FER: variants seen among roughly 807,000 people sequenced by gnomAD.
FER encodes the protein FER tyrosine kinase.
In FER, 63 loss-of-function variants were observed where a neutral mutation model predicts 111.0. That is an observed-to-expected ratio of 0.57 (90% CI 0.46 to 0.70). FER has a LOEUF of 0.70. FER is among the 30% of genes least tolerant of loss of function. The pLI is 0.00. For missense variants in FER, 914 were observed against 954.0 expected, an observed-to-expected ratio of 0.96 and a Z score of 0.55; for synonymous variants, 327 against 313.9, an observed-to-expected ratio of 1.04 and a Z score of -0.44.
intron 1 of FER, among the ~76,000 whole-genome samples, chr5:108,756,156 C>CAA (rs11341627): frequency 1.6e-5 from 2 of 121,670 alleles, no homozygotes; most frequent in East Asian, 3.3e-4. Context: ...AACTCCATCT[C>CAA]AAAAAAAAAA....
chr5:108,918,899 G>A (rs1752640664), intron 10 of FER, among the ~76,000 whole-genome samples: 1 of 152,196 alleles, frequency 6.6e-6, no homozygotes, highest in Non-Finnish European at 1.5e-5. Context: ...GTATTCTGAG[G>A]AGAGTTCTCG....
intron 16 of FER, among the ~76,000 whole-genome samples, chr5:109,093,654 T>C (rs1747108216): frequency 6.6e-6 from 1 of 152,188 alleles, no homozygotes; most frequent in Non-Finnish European, 1.5e-5. Flanking sequence ...TTGTTGACAT[T>C]TGTAAATATT....
chr5:109,124,144 C>G (rs1751368534), intron 17 of FER, among the ~76,000 whole-genome samples: 1 of 152,052 alleles, frequency 6.6e-6, no homozygotes, highest in Non-Finnish European at 1.5e-5. Flanking sequence ...GGAAAATTGA[C>G]AGAACCTGGG....
intron 5 of FER, among the ~76,000 whole-genome samples, chr5:108,861,792 A>G (rs1210859282): frequency 1.3e-5 from 2 of 152,154 alleles, no homozygotes; most frequent in African/African-American, 4.8e-5. Context: ...GAATTTTAAA[A>G]TTTTTATTTG....
At chr5:108,839,901 G>A (rs1355760819) in intron 5 of FER, among the ~76,000 whole-genome samples, 1 of 151,954 alleles carries the variant, frequency 6.6e-6, no homozygotes, top group African/African-American at 2.4e-5. Context: ...TCTAAAAGTA[G>A]TTAATCAGAT....
At chr5:108,805,855 T>A (rs913885106) in intron 3 of FER, among the ~76,000 whole-genome samples, 8 of 152,198 alleles carry the variant, frequency 5.3e-5, no homozygotes, top group Admixed American at 3.3e-4. Flanking sequence ...CATAAAAGTT[T>A]GGAAAATTTG....
chr5:108,959,496 C>A, intron 13 of FER, 149 bp downstream of exon 13: 1 of 641,886 alleles, frequency 1.6e-6, no homozygotes, highest in Non-Finnish European at 2.4e-6. Flanking sequence ...ATTACTAATG[C>A]AATTGAAACA....
At chr5:109,115,653 T>TTTTGTTTG (rs143119269) in intron 17 of FER, among the ~76,000 whole-genome samples, 2,120 of 151,316 alleles carry the variant, frequency 0.014, 80 homozygotes, top group East Asian at 0.068. Context: ...TTTGTGCAGT[T>TTTTGTTTG]TTTGTTTGTT....
chr5:108,849,781 A>G (rs929543942), intron 5 of FER, among the ~76,000 whole-genome samples: 5 of 152,172 alleles, frequency 3.3e-5, no homozygotes, highest in African/African-American at 9.6e-5. Flanking sequence ...TCTCATTAAC[A>G]TTTCTAATAA....
intron 9 of FER, among the ~76,000 whole-genome samples, chr5:108,883,901 C>G (rs1312720704): frequency 6.6e-6 from 1 of 151,956 alleles, no homozygotes; most frequent in African/African-American, 2.4e-5. Flanking sequence ...TAAATAGTCT[C>G]TACTCTGTTA....
chr5:109,051,001 G>C (rs1157534952), intron 16 of FER, among the ~76,000 whole-genome samples: 4 of 152,024 alleles, frequency 2.6e-5, no homozygotes, highest in Non-Finnish European at 4.4e-5. Flanking sequence ...CCATTCTTAG[G>C]GGTGTTTGCT....
In FER at chr5:109,187,460, GTCCAGAGGATATTTCCAAAA is replaced by G; in HGVS notation, c.2357_2376del (p.Pro786HisfsTer8). ...TACCGGATGTCAGCTCCCCAGCACT[GTCCAGAGGATATTTCCAAAA>G]TCATGATGAAGTGTTGGGATTATAA... On this transcript the variant is annotated frameshift_variant, in exon 20 of 20. Transcript: ENST00000281092. LOFTEE classifies it high-confidence loss of function. 6.2e-7 allele frequency: 1 copy of G among 1,614,046 alleles called. No homozygotes were observed. Among genetic ancestry groups the G allele is most frequent in the African/African-American group, 1.3e-5 (1 of 75,014 alleles).
intron 13 of FER, among the ~76,000 whole-genome samples, chr5:108,988,943 C>G (rs755934493): frequency 4.6e-5 from 7 of 152,138 alleles, no homozygotes; most frequent in Non-Finnish European, 7.4e-5. Flanking sequence ...CCTCTTAGCA[C>G]TACCTTTGCT....
chr5:108,878,509 C>A (rs1379255654), intron 8 of FER, among the ~76,000 whole-genome samples: 1 of 151,962 alleles, frequency 6.6e-6, no homozygotes, highest in Non-Finnish European at 1.5e-5. Context: ...ATTAAATCTT[C>A]TTAATGTGTA....
intron 17 of FER, among the ~76,000 whole-genome samples, chr5:109,175,418 A>G (rs1757569555): frequency 6.6e-6 from 1 of 152,226 alleles, no homozygotes; most frequent in African/African-American, 2.4e-5. Context: ...TAAATGATGT[A>G]ATACTTAAAA....
intron 16 of FER, among the ~76,000 whole-genome samples, chr5:109,091,338 C>G (rs1266368789): frequency 6.6e-6 from 1 of 152,140 alleles, no homozygotes; most frequent in African/African-American, 2.4e-5. Context: ...CCAGATATGG[C>G]TCCTGTGGGC....
At position 108,914,024 on chromosome 5, in the gene FER, A is replaced by G. The variant is rs1440226841; in HGVS notation, c.1236+16176A>G. On this transcript the variant is annotated intron_variant, in intron 10 of 19. Transcript: ENST00000281092. ...GTGTAGTGACTGAAAGGGGCCACAC[A>G]AGACACTTCTAGAGTATAGACAGTG... Among the ~76,000 whole-genome samples the G allele has an allele frequency of 2.6e-5, 4 of 152,322 alleles. No individual in the cohort carries two copies. In the South Asian group the frequency reaches 8.3e-4, roughly 32 times the overall value.
intron 1 of FER, among the ~76,000 whole-genome samples, chr5:108,752,527 A>G (rs1750618285): frequency 6.6e-6 from 1 of 152,076 alleles, no homozygotes; most frequent in African/African-American, 2.4e-5. Flanking sequence ...AAGAATAAAT[A>G]GAGGACAGAT....
At chr5:109,167,409 C>G (rs576798817) in intron 17 of FER, among the ~76,000 whole-genome samples, 1 of 152,278 alleles carries the variant, frequency 6.6e-6, no homozygotes, top group East Asian at 1.9e-4. Context: ...ACAAATTCAT[C>G]TGCATAATAG....
Sources: allele counts gnomAD v4.1 joint callset (sites outside exome capture counted in the v4.1 genomes callset), GRCh38; gene constraint gnomAD v4.1.1; transcripts MANE v1.5; gene names NCBI Gene and HGNC (gene_info 2026-07-23, HGNC 2026-07-21).